Variants in ICA1L observed in about 807,000 individuals in gnomAD.
ICA1L encodes the protein islet cell autoantigen 1 like.
A neutral mutation model predicts 61.3 loss-of-function variants in ICA1L; 50 were observed. The observed-to-expected ratio is 0.82, with a 90% CI of 0.65 to 1.03. The LOEUF is 1.03. Ranked by LOEUF, ICA1L falls within the 50% of genes least tolerant of loss-of-function variation. The pLI, the probability that ICA1L is intolerant of heterozygous loss-of-function variation, is 0.00. For missense variants in ICA1L, 508 were observed against 556.7 expected (o/e 0.91, Z 0.88); for synonymous variants, 161 against 191.3 (o/e 0.84, Z 1.31).
At position 202,790,735 on chromosome 2, in the gene ICA1L, A is replaced by G. The variant is rs1246784799; in HGVS notation, c.986-1648T>C. On this transcript the variant is annotated intron_variant, in intron 10 of 12. Coordinates refer to ENST00000358299, the MANE Select transcript of ICA1L (RefSeq NM_001288622.3). ...GTGTGCTAAGAATATAGGGCCCCTG[A>G]TCACTTGACCCTGCTAGTAAAGTGG... Among the ~76,000 whole-genome samples, 6 of 152,142 alleles carry G rather than the reference A, an allele frequency of 3.9e-5. No individual in the cohort carries two copies. In the East Asian group the frequency reaches 1.2e-3, roughly 29 times the overall value.
chr2:202,780,601 C>T (rs1485409015), intron 12 of ICA1L, among the ~76,000 whole-genome samples: 1 of 152,126 alleles, frequency 6.6e-6, no homozygotes, highest in African/African-American at 2.4e-5. Flanking sequence ...AAGAACTGGA[C>T]ATGAAACCAG....
chr2:202,779,709 CAT>C (rs1491291748), intron 12 of ICA1L, 61 bp from the exon 13 acceptor site: 2 of 981,040 alleles, frequency 2.0e-6, no homozygotes, highest in Admixed American at 2.6e-5. Context: ...GTTTTTGTAC[CAT>C]ATTTATGATT....
intron 6 of ICA1L, 91 bp downstream of exon 6, chr2:202,817,327 C>G: frequency 8.5e-7 from 1 of 1,179,776 alleles, no homozygotes; most frequent in African/African-American, 1.6e-5. Context: ...TCTAATCATA[C>G]ATAAATTTTT....
chr2:202,792,490 G>T (rs556064360), intron 10 of ICA1L, among the ~76,000 whole-genome samples: 1 of 152,136 alleles, frequency 6.6e-6, no homozygotes, highest in African/African-American at 2.4e-5. Context: ...TCCATACAAT[G>T]GAATACTATT....
At chr2:202,834,595 T>C (rs1308615912) in intron 1 of ICA1L, among the ~76,000 whole-genome samples, 2 of 152,118 alleles carry the variant, frequency 1.3e-5, no homozygotes, top group Non-Finnish European at 2.9e-5. Flanking sequence ...GCCACTGCAC[T>C]CTAGCCTGGG....
intron 1 of ICA1L, among the ~76,000 whole-genome samples, chr2:202,865,698 A>G (rs942138646): frequency 6.6e-5 from 10 of 152,196 alleles, no homozygotes; most frequent in African/African-American, 1.9e-4. Context: ...ATCTAATGCA[A>G]CAGATCTGAG....
intron 1 of ICA1L, among the ~76,000 whole-genome samples, chr2:202,830,954 T>A (rs1183286647): frequency 2.0e-5 from 3 of 152,190 alleles, no homozygotes; most frequent in African/African-American, 7.2e-5. Flanking sequence ...TATATGCTAT[T>A]TGAGATCTAC....
intron 1 of ICA1L, among the ~76,000 whole-genome samples, chr2:202,833,854 T>TA (rs1383545535): frequency 1.3e-5 from 2 of 152,116 alleles, no homozygotes; most frequent in Non-Finnish European, 2.9e-5. Context: ...CAATTACATG[T>TA]AAAATCTAAA....
chr2:202,780,540 C>T (rs1394129703), intron 12 of ICA1L, among the ~76,000 whole-genome samples: 2 of 152,158 alleles, frequency 1.3e-5, no homozygotes, highest in Non-Finnish European at 2.9e-5. Context: ...AGTCTAGGCC[C>T]TTGAAAGCCA....
At chr2:202,789,108 CAG>C (rs761433608) in intron 10 of ICA1L, 21 bp from the exon 11 acceptor site, 2 of 1,578,278 alleles carry the variant, frequency 1.3e-6, no homozygotes, top group Non-Finnish European at 1.7e-6. Context: ...TAAATAAAAA[CAG>C]AAAGGCTTTT....
rs145264311 is a variant in ICA1L, at chr2:202,816,545, TA to T, written c.685-537del. Among the ~76,000 whole-genome samples the T allele has an allele frequency of 3.3e-5, 5 of 152,296 alleles. No individual in the cohort carries two copies. In the East Asian group the frequency reaches 9.6e-4, roughly 29 times the overall value. The stretch of plus-strand genomic sequence containing the variant: ...TTCTTGCTGCTTCAAGGTTCCTGAT[TA>T]AAGTGAGGAGGATGAATGGAGAGAA... On this transcript the variant is annotated intron_variant, in intron 6 of 12. Coordinates refer to ENST00000358299, the MANE Select transcript of ICA1L (RefSeq NM_001288622.3).
At chr2:202,800,642 T>A (rs1006310463) in intron 9 of ICA1L, among the ~76,000 whole-genome samples, 2 of 152,172 alleles carry the variant, frequency 1.3e-5, no homozygotes, top group Non-Finnish European at 2.9e-5. Context: ...AGGGCCATTT[T>A]AAAAAATGAA....
intron 1 of ICA1L, among the ~76,000 whole-genome samples, chr2:202,858,402 A>C (rs1694820769): frequency 1.3e-5 from 2 of 152,228 alleles, no homozygotes; most frequent in Admixed American, 1.3e-4. Flanking sequence ...GTTCTCACTC[A>C]GAAGTGGGAG....
At chr2:202,870,143 C>A (rs4510208) in intron 1 of ICA1L, among the ~76,000 whole-genome samples, 13,527 of 152,034 alleles carry the variant, frequency 0.089, 741 homozygotes, top group Non-Finnish European at 0.12. Context: ...ATGAAATCAC[C>A]AAGTTTGGCA....
intron 1 of ICA1L, among the ~76,000 whole-genome samples, chr2:202,843,748 T>C (rs1402791433): frequency 6.6e-6 from 1 of 152,152 alleles, no homozygotes; most frequent in East Asian, 1.9e-4. Flanking sequence ...AGCATTAGAG[T>C]AGCTCTAGGA....
intron 9 of ICA1L, among the ~76,000 whole-genome samples, chr2:202,810,401 A>G (rs1266552206): frequency 6.6e-6 from 1 of 152,180 alleles, no homozygotes; most frequent in Admixed American, 6.5e-5. Flanking sequence ...CTCTGAACAT[A>G]AATTGTGAAG....
At chr2:202,781,655 A>AC (rs2105814753) in intron 12 of ICA1L, among the ~76,000 whole-genome samples, 1 of 151,056 alleles carries the variant, frequency 6.6e-6, no homozygotes, top group Non-Finnish European at 1.5e-5. Context: ...CTATTCACAC[A>AC]CCCCCAACCC....
At chr2:202,788,546 G>A (rs1179328441) in intron 11 of ICA1L, among the ~76,000 whole-genome samples, 1 of 152,112 alleles carries the variant, frequency 6.6e-6, no homozygotes, top group African/African-American at 2.4e-5. Context: ...CTAGGTAGGA[G>A]TAATTAGCAG....
intron 1 of ICA1L, among the ~76,000 whole-genome samples, chr2:202,864,627 A>ATGTGTGTGTGTGTGTG (rs566451955): frequency 0.077 from 11,520 of 150,292 alleles, 564 homozygotes; most frequent in Non-Finnish European, 0.11. Context: ...GTATATATAT[A>ATGTGTGTGTGTGTGTG]TGTGTGTGTG....
Sources: gnomAD v4.1 joint callset for allele counts (sites outside exome capture counted in the v4.1 genomes callset) on GRCh38, gnomAD v4.1.1 for gene constraint, MANE v1.5 for transcripts, NCBI Gene and HGNC (gene_info 2026-07-23, HGNC 2026-07-21) for gene names.